The following RNF152 variants were observed in gnomAD, a reference collection of about 807,000 sequenced individuals.
RNF152 encodes ring finger protein 152.
A neutral mutation model predicts 12.7 loss-of-function variants in RNF152; 11 were observed. The observed-to-expected ratio is 0.86, with a 90% CI of 0.54 to 1.43. The LOEUF is 1.43. Ranked by LOEUF, RNF152 falls within the 40% of genes most tolerant of loss-of-function variation. The pLI, the probability that RNF152 is intolerant of heterozygous loss-of-function variation, is 0.00. For missense variants in RNF152, 255 were observed against 274.8 expected, an observed-to-expected ratio of 0.93 and a Z score of 0.51; for synonymous variants, 113 against 120.3, an observed-to-expected ratio of 0.94 and a Z score of 0.40.
chr18:61,812,506 C>T lies in RNF152; in HGVS notation c.*3346G>A, dbSNP rs1196664491. On this transcript the variant is annotated 3_prime_UTR_variant, in exon 2 of 2. Transcript: ENST00000312828. ...ATGACTGGAACCAAAAACCAAGTTG[C>T]CTTTTCATCACAACTTATGCCCCAA... 6.6e-6 allele frequency: 1 copy of T among 152,132 alleles called. No homozygotes were observed. The highest frequency in any genetic ancestry group is 2.4e-5 in the African/African-American group (1 of 41,444). 9.4% of individuals were successfully genotyped at this position (152,132 alleles called of 1,614,324 possible).
At chr18:61,831,473 G>A (rs1293249518) in intron 1 of RNF152, among the ~76,000 whole-genome samples, 1 of 152,174 alleles carries the variant, frequency 6.6e-6, no homozygotes, top group Non-Finnish European at 1.5e-5. Flanking sequence ...GGATGAAAAT[G>A]CTTCCTGCTC....
intron 1 of RNF152, among the ~76,000 whole-genome samples, chr18:61,823,238 G>C (rs570816266): frequency 4.2e-4 from 64 of 152,348 alleles, no homozygotes; most frequent in African/African-American, 1.4e-3. Context: ...CCTCCTATGA[G>C]CATCCTGGTT....
At chr18:61,841,942 C>T (rs1296352234) in intron 1 of RNF152, among the ~76,000 whole-genome samples, 1 of 152,142 alleles carries the variant, frequency 6.6e-6, no homozygotes, top group Non-Finnish European at 1.5e-5. Context: ...CAGCCATTGA[C>T]AATACGTAAC....
intron 1 of RNF152, chr18:61,888,326 A>G (rs1248939756): frequency 1.3e-5 from 2 of 152,230 alleles, no homozygotes; most frequent in Non-Finnish European, 1.5e-5. Flanking sequence ...TAGAAATTGA[A>G]AATCCCTAAG....
At chr18:61,837,575 T>C (rs1023179314) in intron 1 of RNF152, among the ~76,000 whole-genome samples, 2 of 152,200 alleles carry the variant, frequency 1.3e-5, no homozygotes, top group Non-Finnish European at 2.9e-5. Flanking sequence ...ATTTTTTTAA[T>C]TACTATGGAC....
At chr18:61,856,467 G>A (rs973677557) in intron 1 of RNF152, among the ~76,000 whole-genome samples, 2 of 152,104 alleles carry the variant, frequency 1.3e-5, no homozygotes, top group Non-Finnish European at 2.9e-5. Context: ...GGGAGGGGAT[G>A]GGAAGACAGT....
intron 1 of RNF152, among the ~76,000 whole-genome samples, chr18:61,849,380 C>T (rs899468841): frequency 1.3e-5 from 2 of 152,198 alleles, no homozygotes; most frequent in Admixed American, 1.3e-4. Context: ...GAGAACTTGG[C>T]TCCCTTTTCT....
At chr18:61,820,556 T>C (rs1392509267) in intron 1 of RNF152, among the ~76,000 whole-genome samples, 2 of 151,934 alleles carry the variant, frequency 1.3e-5, no homozygotes, top group African/African-American at 4.8e-5. Context: ...ATTGCTCACG[T>C]TGAGCTACGG....
chr18:61,863,557 G>C (rs1911588003), intron 1 of RNF152, among the ~76,000 whole-genome samples: 1 of 152,086 alleles, frequency 6.6e-6, no homozygotes, highest in Admixed American at 6.5e-5. Context: ...ATATCTTTGG[G>C]GAAAAAACTA....
At chr18:61,888,518 TG>T (rs1177476402) in intron 1 of RNF152, 1 of 152,234 alleles carries the variant, frequency 6.6e-6, no homozygotes, top group African/African-American at 2.4e-5. Flanking sequence ...AGATATTTGA[TG>T]CTTTAATACA....
In RNF152 at chr18:61,811,768, G is replaced by A. The variant is rs1433513263; in HGVS notation, c.*4084C>T. 6.6e-6 allele frequency: 1 copy of A among 152,012 alleles called. No homozygotes were observed. The highest frequency in any genetic ancestry group is 1.9e-4 in the East Asian group (1 of 5,188). The allele number at this position is 152,012 out of a possible 1,614,324, so 9.4% of individuals were successfully genotyped here. On this transcript the variant is annotated 3_prime_UTR_variant, in exon 2 of 2. Coordinates refer to ENST00000312828, the MANE Select transcript of RNF152 (RefSeq NM_173557.3). Reference sequence around the variant, plus strand: ...TTTTTCCTGTAACATTTACTTTTTGGCCACAAGACCCTAGACACAATTTCA... The same window carrying A: ...TTTTTCCTGTAACATTTACTTTTTGACCACAAGACCCTAGACACAATTTCA...
In RNF152 at chr18:61,816,372, T is replaced by C. The variant is rs1909090241; in HGVS notation, c.92A>G (p.Lys31Arg). 1 of 1,614,090 alleles carries C rather than the reference T, an allele frequency of 6.2e-7. No homozygotes were observed. Among genetic ancestry groups the C allele is most frequent in the South Asian group, 1.1e-5 (1 of 91,090 alleles). ...PRRRPKLLDCKHTCCSVCLQQ... is the reference protein window; with the variant it reads ...PRRRPKLLDCRHTCCSVCLQQ... ...CAGGCACACTGAACAGCAGGTGTGC[T>C]TGCAGTCCAGCAACTTGGGCCTGCG... The change falls in exon 2 of 2, where the codon AAG becomes AGG. Residue 31 changes from lysine (K) to arginine (R), a missense_variant. By Grantham distance (26) the Lys-to-Arg change is conservative (BLOSUM62 2). Transcript: ENST00000312828.
intron 1 of RNF152, among the ~76,000 whole-genome samples, chr18:61,833,390 C>T (rs1043174037): frequency 9.9e-5 from 15 of 152,156 alleles, no homozygotes; most frequent in African/African-American, 3.6e-4. Flanking sequence ...GTAGCAAAGC[C>T]TCAAAGAATC....
chr18:61,859,600 C>A (rs894278173), intron 1 of RNF152, among the ~76,000 whole-genome samples: 1 of 152,114 alleles, frequency 6.6e-6, no homozygotes, highest in African/African-American at 2.4e-5. Context: ...ACACCTAGGC[C>A]GGGCACGGTG....
At chr18:61,867,159 A>T (rs1911771029) in intron 1 of RNF152, among the ~76,000 whole-genome samples, 1 of 152,182 alleles carries the variant, frequency 6.6e-6, no homozygotes, top group East Asian at 1.9e-4. Flanking sequence ...TGCATGGCAA[A>T]TACAAAGAGA....
intron 1 of RNF152, among the ~76,000 whole-genome samples, chr18:61,823,179 A>G (rs952279038): frequency 6.6e-6 from 1 of 152,220 alleles, no homozygotes; most frequent in African/African-American, 2.4e-5. Flanking sequence ...ACTTTGACAA[A>G]CCTCAACTGA....
intron 1 of RNF152, among the ~76,000 whole-genome samples, chr18:61,855,679 A>C (rs1251316853): frequency 6.6e-6 from 1 of 152,180 alleles, no homozygotes. Context: ...GCTGGACCCC[A>C]CACTCGCTCA....
chr18:61,811,116 TAG>T lies in RNF152; in HGVS notation c.*4734_*4735del, dbSNP rs1333172908. 6.6e-6 allele frequency: 1 copy of T among 151,874 alleles called. No individual in the cohort carries two copies. Among genetic ancestry groups the T allele is most frequent in the Non-Finnish European group, 1.5e-5 (1 of 67,974 alleles). 9.4% of individuals were successfully genotyped at this position (151,874 alleles called of 1,614,324 possible). ...GAAAGTCTTGCACATTGATGAGTTC[TAG>T]AAAAAAAAAATCAACCCATTTCTGC... On this transcript the variant is annotated 3_prime_UTR_variant, in exon 2 of 2. Transcript: ENST00000312828.
At chr18:61,890,921 G>T (rs962494268) in intron 1 of RNF152, among the ~76,000 whole-genome samples, 3 of 152,188 alleles carry the variant, frequency 2.0e-5, no homozygotes, top group Admixed American at 2.0e-4. Flanking sequence ...GCTCCTCAAT[G>T]AAAGAGGCAT....
Sources: gnomAD v4.1 joint callset for allele counts (sites outside exome capture counted in the v4.1 genomes callset) on GRCh38, gnomAD v4.1.1 for gene constraint, MANE v1.5 for transcripts, NCBI Gene and HGNC (gene_info 2026-07-23, HGNC 2026-07-21) for gene names.